Variants in F11 observed in about 807,000 individuals in gnomAD.
The protein encoded by F11 is coagulation factor XI.
A neutral mutation model predicts 76.5 loss-of-function variants in F11; 78 were observed. The observed-to-expected ratio is 1.02, with a 90% CI of 0.85 to 1.23. The LOEUF (loss-of-function observed/expected upper bound fraction) is 1.23. Ranked by LOEUF, F11 falls within the 50% of genes most tolerant of loss-of-function variation. F11 has a pLI of 0.00. For missense variants in F11, 742 were observed against 771.4 expected (o/e 0.96, Z 0.45); for synonymous variants, 278 against 276.3 (o/e 1.01, Z -0.06).
chr4:186,272,050 TCA>T (rs909429829), intron 3 of F11, among the ~76,000 whole-genome samples: 6 of 152,320 alleles, frequency 3.9e-5, no homozygotes, highest in Admixed American at 1.3e-4. Context: ...CTTAAACATT[TCA>T]CACTTTGCTT....
intron 13 of F11, among the ~76,000 whole-genome samples, chr4:186,287,187 G>A (rs1741265744): frequency 1.3e-5 from 2 of 151,904 alleles, no homozygotes; most frequent in South Asian, 4.2e-4. Context: ...TGTTAGCCAG[G>A]ATGGTCTCAA....
intron 12 of F11, 193 bp downstream of exon 12, chr4:186,286,006 A>T (rs777716650): frequency 3.0e-6 from 2 of 665,378 alleles, no homozygotes; most frequent in Non-Finnish European, 5.3e-6. Context: ...TTATTTTGGG[A>T]ATGTGGGTAA....
At chr4:186,273,037 C>T (rs1288619904) in intron 3 of F11, 34 bp from the exon 4 acceptor site, 1 of 1,358,588 alleles carries the variant, frequency 7.4e-7, no homozygotes, top group Admixed American at 1.7e-5. Context: ...AACATAAATT[C>T]CTATTCATTA....
intron 5 of F11, 87 bp downstream of exon 5, chr4:186,274,362 A>G: frequency 6.4e-7 from 1 of 1,553,002 alleles, no homozygotes; most frequent in Admixed American, 1.7e-5. Context: ...TTTATGCCAG[A>G]ATTTATTTTG....
At chr4:186,278,823 A>G (rs973239307) in intron 7 of F11, among the ~76,000 whole-genome samples, 2 of 152,232 alleles carry the variant, frequency 1.3e-5, no homozygotes, top group Non-Finnish European at 1.5e-5. Flanking sequence ...CTTTTTAAAA[A>G]TCTAGTGAAA....
chr4:186,275,319 C>G (rs539194282), intron 5 of F11: 1 of 355,642 alleles, frequency 2.8e-6, no homozygotes, highest in South Asian at 2.2e-5. Flanking sequence ...GGTGAAACCC[C>G]GTCTCTACTA....
At chr4:186,273,002 G>T in intron 3 of F11, 69 bp from the exon 4 acceptor site, 1 of 1,053,046 alleles carries the variant, frequency 9.5e-7, no homozygotes, top group South Asian at 1.4e-5. Context: ...TCTGTGTGCT[G>T]ACTTTTAAGA....
chr4:186,279,885 CT>C lies in F11; in HGVS notation c.756-124del, dbSNP rs959824948. 3.9e-4 allele frequency: 305 copies of C among 775,236 alleles called. 1 individual carries two copies. Among genetic ancestry groups the C allele is most frequent in the Non-Finnish European group, 5.8e-4 (262 of 454,708 alleles). The allele number at this position is 775,236 out of a possible 1,614,324, so 48.0% of individuals were successfully genotyped here. A position where few individuals can be genotyped will look rare whatever the true frequency, so the allele number is the denominator to read the frequency against. On this transcript the variant is annotated intron_variant, in intron 7 of 14. Coordinates refer to ENST00000403665, the MANE Select transcript of F11 (RefSeq NM_000128.4). The stretch of plus-strand genomic sequence containing the variant: ...GTAACTCCGTGGTTTATGAAGAGTA[CT>C]TTCAAAATAGGAAAATCTTCACAAC...
intron 10 of F11, chr4:186,283,017 T>G: frequency 2.0e-6 from 2 of 985,294 alleles, no homozygotes; most frequent in Non-Finnish European, 2.4e-6. Context: ...CTCCCTTAGC[T>G]CAGGACGCGG....
intron 2 of F11, among the ~76,000 whole-genome samples, 183 bp downstream of exon 2, chr4:186,267,374 T>C (rs1739584900): frequency 6.6e-6 from 1 of 152,224 alleles, no homozygotes; most frequent in African/African-American, 2.4e-5. Context: ...AAATTGTTTG[T>C]ACTGGTAGGA....
chr4:186,282,677 C>G (rs1580095224), intron 10 of F11: 17 of 985,276 alleles, frequency 1.7e-5, no homozygotes, highest in Non-Finnish European at 2.0e-5. Flanking sequence ...TAAAATTTAC[C>G]TTTATGACGC....
intron 3 of F11, among the ~76,000 whole-genome samples, chr4:186,272,705 C>G (rs1031515342): frequency 1.3e-5 from 2 of 152,048 alleles, no homozygotes; most frequent in African/African-American, 4.8e-5. Flanking sequence ...CACAGTAAAG[C>G]CAAGGATATT....
In F11 at chr4:186,288,510, A is replaced by C. The variant is rs1473196302; in HGVS notation, c.1774A>C (p.Ile592Leu). The C allele has an allele frequency of 1.2e-6, 2 of 1,614,214 alleles. No homozygotes were observed. The highest frequency in any genetic ancestry group is 1.1e-5 in the South Asian group (1 of 91,082). Residue 592 changes from isoleucine (I) to leucine (L), a missense_variant, in exon 15 of 15, where the codon ATC becomes CTC. Coordinates refer to ENST00000403665, the MANE Select transcript of F11 (RefSeq NM_000128.4). ...KHNEVWHLVG[I>L]TSWGEGCAQR... ...CAATGAGGTCTGGCATCTGGTAGGCATCACGAGCTGGGGCGAAGGCTGTGC... is the reference window on the plus strand; with the variant it reads ...CAATGAGGTCTGGCATCTGGTAGGCCTCACGAGCTGGGGCGAAGGCTGTGC...
chr4:186,273,939 C>T (rs1376236160), intron 4 of F11, among the ~76,000 whole-genome samples, 177 bp from the exon 5 acceptor site: 1 of 152,092 alleles, frequency 6.6e-6, no homozygotes, highest in African/African-American at 2.4e-5. Context: ...GTAAGAAGGA[C>T]ATTGGCATTC....
rs1741151518 is a variant in F11 at position 186,285,675 on chromosome 4, AT to A, written c.1346del (p.Leu449Ter). Reference protein sequence around the residue: ...SPKILRVYSGILNQSEIKEDT... With the variant: ...SPKILRVYSGXLNQSEIKEDT... Reference sequence around the variant, plus strand: ...TAAGATTTTGCGTGTCTACAGTGGCATTTTAAATCAATCTGAAATAAAAGAG... The same window carrying A: ...TAAGATTTTGCGTGTCTACAGTGGCATTTAAATCAATCTGAAATAAAAGAG... On this transcript the variant is annotated frameshift_variant, in exon 12 of 15. Coordinates refer to ENST00000403665, the MANE Select transcript of F11 (RefSeq NM_000128.4). LOFTEE classifies it high-confidence loss of function. The A allele has an allele frequency of 6.2e-7, 1 of 1,614,154 alleles. No homozygotes were observed. Among genetic ancestry groups the A allele is most frequent in the Non-Finnish European group, 8.5e-7 (1 of 1,180,032 alleles).
chr4:186,279,915 G>A lies in F11; in HGVS notation c.756-97G>A, dbSNP rs1048308349. On this transcript the variant is annotated intron_variant, in intron 7 of 14. Coordinates refer to ENST00000403665, the MANE Select transcript of F11 (RefSeq NM_000128.4). ...AAAATAGGAAAATCTTCACAACTAA[G>A]TGCTAGCATGAGCTGACTTTACTTT... is the stretch of plus-strand genomic sequence containing the variant. 34 of 905,308 alleles carry A rather than the reference G, an allele frequency of 3.8e-5. No individual in the cohort carries two copies. In the East Asian group the frequency reaches 8.1e-4, roughly 22 times the overall value. The allele number at this position is 905,308 out of a possible 1,614,324, so 56.1% of individuals were successfully genotyped here. A position where few individuals can be genotyped will look rare whatever the true frequency, so the allele number is the denominator to read the frequency against.
chr4:186,266,857 A>G (rs1739536740), intron 1 of F11, among the ~76,000 whole-genome samples: 1 of 152,104 alleles, frequency 6.6e-6, no homozygotes. Flanking sequence ...GAACACAGAG[A>G]GCGGCGGGGC....
intron 1 of F11, among the ~76,000 whole-genome samples, chr4:186,266,913 T>C (rs1215429290): frequency 2.0e-5 from 3 of 151,734 alleles, no homozygotes; most frequent in African/African-American, 7.3e-5. Flanking sequence ...TCCCTGTGGG[T>C]TCCGGCTTCT....
At chr4:186,287,647 G>A (rs1411765223) in intron 13 of F11, 37 bp from the exon 14 acceptor site, 4 of 1,506,610 alleles carry the variant, frequency 2.7e-6, no homozygotes, top group East Asian at 2.4e-5. Context: ...TATTGTGTAT[G>A]GTTATTCTAC....
Sources: allele counts gnomAD v4.1 joint callset (sites outside exome capture counted in the v4.1 genomes callset), GRCh38; gene constraint gnomAD v4.1.1; transcripts MANE v1.5; gene names NCBI Gene and HGNC (gene_info 2026-07-23, HGNC 2026-07-21).